NKAIN2: variants seen among roughly 807,000 people sequenced by gnomAD.
The protein encoded by NKAIN2 is sodium/potassium-transporting ATPase subunit beta-1-interacting protein 2.
In NKAIN2, 14 loss-of-function variants were observed where a neutral mutation model predicts 32.6. The ratio of observed to expected loss-of-function variants is 0.43; its 90% CI spans 0.28 to 0.67. The LOEUF is 0.67. NKAIN2 is among the 30% of genes least tolerant of loss of function. The probability of loss-of-function intolerance (pLI) is 0.17; values close to 1 mark genes in which losing one functional copy is unlikely to be tolerated. For synonymous variants in NKAIN2, 80 were observed against 87.2 expected, an observed-to-expected ratio of 0.92 and a Z score of 0.46; for missense variants, 198 against 258.3, an observed-to-expected ratio of 0.77 and a Z score of 1.60.
intron 3 of NKAIN2, among the ~76,000 whole-genome samples, chr6:124,516,245 G>A (rs7753567): frequency 0.26 from 39,066 of 151,984 alleles, 5,903 homozygotes; most frequent in Middle Eastern, 0.37. Flanking sequence ...ATAGTGCAGG[G>A]CTAGGGAATG....
chr6:124,219,413 G>A (rs986153589), intron 1 of NKAIN2, among the ~76,000 whole-genome samples: 1 of 151,738 alleles, frequency 6.6e-6, no homozygotes, highest in Non-Finnish European at 1.5e-5. Context: ...GAGCAGCTGG[G>A]ACTACAGGTG....
At chr6:124,779,323 GGAAGGAAGGAAGGAAGGAAGGAA>G (rs1779149405) in intron 4 of NKAIN2, among the ~76,000 whole-genome samples, 1 of 42,544 alleles carries the variant, frequency 2.4e-5, no homozygotes, top group African/African-American at 8.9e-5. Context: ...AGGGAGGGAA[GGAAGGAAGGAAGGAAGGAAGGAA>G]GGAAGGAAGG....
At chr6:124,171,725 G>T (rs1394420727) in intron 1 of NKAIN2, among the ~76,000 whole-genome samples, 2 of 143,574 alleles carry the variant, frequency 1.4e-5, no homozygotes, top group Non-Finnish European at 1.5e-5. Context: ...TAATTTTTTT[G>T]TATTTTAGTA....
intron 3 of NKAIN2, among the ~76,000 whole-genome samples, chr6:124,463,615 C>A (rs1023132541): frequency 6.6e-6 from 1 of 152,088 alleles, no homozygotes; most frequent in Non-Finnish European, 1.5e-5. Flanking sequence ...TCCCTCCTCC[C>A]TTCCAATTAT....
chr6:124,568,822 CAAA>C (rs3053601), intron 3 of NKAIN2, among the ~76,000 whole-genome samples: 40,014 of 80,298 alleles, frequency 0.5, 8,627 homozygotes, highest in Admixed American at 0.6. Context: ...AGCACTGTGG[CAAA>C]AAAAAAAAAA....
intron 3 of NKAIN2, among the ~76,000 whole-genome samples, chr6:124,541,339 A>C (rs1779903487): frequency 6.6e-6 from 1 of 152,168 alleles, no homozygotes; most frequent in African/African-American, 2.4e-5. Flanking sequence ...TAGCATGAGC[A>C]GCTAACTTCT....
rs148237955 is a variant in NKAIN2, at chr6:124,218,321, A to C, written c.55-64684A>C. On this transcript the variant is annotated intron_variant, in intron 1 of 6. Transcript: ENST00000368417. ...AATAAAAAATAAAAGTAATCTGTAAATTAAAACCTTTGTGTATTTTCAATT... is the reference window on the plus strand; with the variant it reads ...AATAAAAAATAAAAGTAATCTGTAACTTAAAACCTTTGTGTATTTTCAATT... Among the ~76,000 whole-genome samples the C allele has an allele frequency of 1.0e-3, 158 of 152,296 alleles. 1 individual carries two copies. The highest frequency in any genetic ancestry group is 3.7e-3 in the African/African-American group (153 of 41,560).
intron 3 of NKAIN2, among the ~76,000 whole-genome samples, chr6:124,526,867 T>C (rs550820265): frequency 6.6e-6 from 1 of 152,268 alleles, no homozygotes; most frequent in African/African-American, 2.4e-5. Context: ...TATGTTAATA[T>C]ATAGTAATAA....
At chr6:124,242,770 C>T (rs191100040) in intron 1 of NKAIN2, among the ~76,000 whole-genome samples, 22 of 151,460 alleles carry the variant, frequency 1.5e-4, no homozygotes, top group Non-Finnish European at 2.7e-4. Flanking sequence ...GAAACCATTC[C>T]GGCAAACTAA....
intron 1 of NKAIN2, among the ~76,000 whole-genome samples, chr6:124,149,854 C>A (rs143199900): frequency 1.2e-3 from 182 of 152,242 alleles, no homozygotes; most frequent in Non-Finnish European, 2.0e-3. Flanking sequence ...AGTGGCCAGA[C>A]AGCAGCCCCT....
chr6:123,882,385 C>T (rs1189667075), intron 1 of NKAIN2, among the ~76,000 whole-genome samples: 1 of 152,010 alleles, frequency 6.6e-6, no homozygotes, highest in African/African-American at 2.4e-5. Flanking sequence ...TTTCAAACCA[C>T]CCTAAAATGG....
intron 3 of NKAIN2, among the ~76,000 whole-genome samples, chr6:124,386,404 C>T (rs1043153603): frequency 1.3e-5 from 2 of 152,188 alleles, no homozygotes; most frequent in African/African-American, 4.8e-5. Flanking sequence ...GTTGCTTTGA[C>T]TGGACCACTT....
chr6:124,293,616 C>A (rs1795916070), intron 2 of NKAIN2, among the ~76,000 whole-genome samples: 2 of 152,168 alleles, frequency 1.3e-5, no homozygotes, highest in Middle Eastern at 6.9e-3. Context: ...AAATTTTCCA[C>A]TTCTTGAATG....
At chr6:124,759,644 CACACACACA>C (rs1407303923) in intron 4 of NKAIN2, among the ~76,000 whole-genome samples, 8 of 112,470 alleles carry the variant, frequency 7.1e-5, no homozygotes, top group African/African-American at 1.2e-4. Context: ...CACACACACA[CACACACACA>C]CACCCCCTAT....
intron 4 of NKAIN2, among the ~76,000 whole-genome samples, chr6:124,679,523 ATTTTTCTGGCTT>A (rs1240820503): frequency 2.0e-5 from 3 of 151,922 alleles, no homozygotes; most frequent in Non-Finnish European, 2.9e-5. Flanking sequence ...AGTGCCATCG[ATTTTTCTGGCTT>A]TGATGCAGCT....
chr6:123,953,354 C>T (rs1313027624), intron 1 of NKAIN2, among the ~76,000 whole-genome samples: 1 of 152,116 alleles, frequency 6.6e-6, no homozygotes, highest in Non-Finnish European at 1.5e-5. Flanking sequence ...GATTTTTGGG[C>T]CTCCAGGTGG....
At chr6:124,041,006 G>C (rs568393805) in intron 1 of NKAIN2, among the ~76,000 whole-genome samples, 1 of 151,990 alleles carries the variant, frequency 6.6e-6, no homozygotes, top group Non-Finnish European at 1.5e-5. Context: ...CTCATTCCCA[G>C]TTTGCTATTT....
At chr6:124,521,980 T>C (rs913936618) in intron 3 of NKAIN2, among the ~76,000 whole-genome samples, 18 of 152,146 alleles carry the variant, frequency 1.2e-4, no homozygotes, top group African/African-American at 4.3e-4. Flanking sequence ...TAATAGAAAA[T>C]GAAAATGTAT....
rs1445140493 is a variant in NKAIN2, at chr6:123,976,362, T to TTCCC, written c.54+172108_54+172109insTCCC. On this transcript the variant is annotated intron_variant, in intron 1 of 6. Transcript: ENST00000368417. The stretch of plus-strand genomic sequence containing the variant: ...ATATATGTTCCCATATATATATATA[T>TTCCC]ATATATTCCCATATATATATATATA... Among the ~76,000 whole-genome samples, 7 of 26,686 alleles carry TTCCC rather than the reference T, an allele frequency of 2.6e-4. 1 individual carries two copies. Among genetic ancestry groups the TTCCC allele is most frequent in the East Asian group, 1.7e-3 (1 of 572 alleles). The allele number at this position is 26,686 out of a possible 152,430, so 17.5% of individuals were successfully genotyped here.
Sources: gnomAD v4.1 joint callset for allele counts (sites outside exome capture counted in the v4.1 genomes callset) on GRCh38, gnomAD v4.1.1 for gene constraint, MANE v1.5 for transcripts, NCBI Gene and HGNC (gene_info 2026-07-23, HGNC 2026-07-21) for gene names.